Variants in EML6 observed in about 807,000 individuals in gnomAD.
EML6 encodes the protein echinoderm microtubule-associated protein-like 6.
In EML6, 154 loss-of-function variants were observed where a neutral mutation model predicts 240.1. The observed-to-expected ratio is 0.64, with a 90% confidence interval of 0.56 to 0.73. The LOEUF (loss-of-function observed/expected upper bound fraction) is 0.73. EML6 is among the 30% of genes least tolerant of loss of function. The probability of loss-of-function intolerance (pLI) is 0.00; values close to 1 mark genes in which losing one functional copy is unlikely to be tolerated. For missense variants in EML6, 2,964 were observed against 2,474.6 expected, an observed-to-expected ratio of 1.20 and a Z score of -4.20; for synonymous variants, 1,148 against 899.0, an observed-to-expected ratio of 1.28 and a Z score of -4.95.
At chr2:54,937,018 G>A (rs930161618) in intron 28 of EML6, among the ~76,000 whole-genome samples, 1 of 140,904 alleles carries the variant, frequency 7.1e-6, no homozygotes, top group Non-Finnish European at 1.5e-5. Flanking sequence ...AGTGGCTCAC[G>A]CCTGTAATCC....
chr2:54,936,702 A>C (rs1274056676), intron 28 of EML6, among the ~76,000 whole-genome samples: 2 of 152,136 alleles, frequency 1.3e-5, no homozygotes, highest in Non-Finnish European at 2.9e-5. Context: ...TTGACTGTCT[A>C]TCCAGGGATG....
At chr2:54,845,042 T>G (rs1423050448) in intron 8 of EML6, among the ~76,000 whole-genome samples, 2 of 152,184 alleles carry the variant, frequency 1.3e-5, no homozygotes, top group Non-Finnish European at 2.9e-5. Flanking sequence ...GGCTACTGCC[T>G]CTGGGTTTTG....
In EML6 at chr2:54,909,850, CAAA is replaced by C. The variant is rs34171697; in HGVS notation, c.3410-1084_3410-1082del. 1.1e-3 allele frequency among the ~76,000 whole-genome samples: 77 copies of C among 68,496 alleles called. 1 individual carries two copies. In the East Asian group the frequency reaches 0.013, roughly 11 times the overall value. The allele number at this position is 68,496 out of a possible 152,430, so 44.9% of individuals were successfully genotyped here. A position where few individuals can be genotyped will look rare whatever the true frequency, so the allele number is the denominator to read the frequency against. On this transcript the variant is annotated intron_variant, in intron 24 of 41. Coordinates refer to ENST00000356458, the MANE Select transcript of EML6 (RefSeq NM_001039753.4). ...TGGGTGACAGAGCGAGACTCCATCT[CAAA>C]AAAAAAAAAAAAAAAAAAAGATTAG...
chr2:54,858,009 A>C (rs1670478551), intron 11 of EML6, among the ~76,000 whole-genome samples: 1 of 152,248 alleles, frequency 6.6e-6, no homozygotes, highest in African/African-American at 2.4e-5. Context: ...GTAAATGCAC[A>C]AACATTTATT....
intron 28 of EML6, among the ~76,000 whole-genome samples, chr2:54,947,456 A>G (rs1675748508): frequency 6.6e-6 from 1 of 152,174 alleles, no homozygotes; most frequent in Non-Finnish European, 1.5e-5. Flanking sequence ...TTTTGATTGA[A>G]GAGTTTCTGA....
At chr2:54,888,961 C>A (rs575755153) in intron 17 of EML6, among the ~76,000 whole-genome samples, 8 of 152,308 alleles carry the variant, frequency 5.3e-5, no homozygotes, top group Admixed American at 5.2e-4. Context: ...ATAGCTGTAT[C>A]ATTTTGCATT....
chr2:54,820,377 T>C lies in EML6; in HGVS notation c.457-17T>C. The stretch of plus-strand genomic sequence containing the variant: ...ATACCAAATGATCAACATGGCAACT[T>C]TTAATGTTTTGAACAGATTTTTGAT... On this transcript the variant is annotated splice_polypyrimidine_tract_variant and intron_variant, in intron 4 of 41. Transcript: ENST00000356458. The C allele has an allele frequency of 6.5e-7, 1 of 1,534,584 alleles. No individual in the cohort carries two copies. The highest frequency in any genetic ancestry group is 8.8e-7 in the Non-Finnish European group (1 of 1,134,412).
intron 7 of EML6, among the ~76,000 whole-genome samples, chr2:54,839,388 A>G (rs1669323490): frequency 1.3e-5 from 2 of 152,216 alleles, no homozygotes; most frequent in African/African-American, 2.4e-5. Context: ...TATTGTATCT[A>G]TTGCCTGGTG....
chr2:54,969,987 A>C (rs1558737973), intron 41 of EML6, 84 bp from the exon 42 acceptor site: 1 of 1,431,908 alleles, frequency 7.0e-7, no homozygotes, highest in East Asian at 2.5e-5. Flanking sequence ...TTGACTTTTG[A>C]GCACTTGGCA....
rs1415596298 is a variant in EML6, at chr2:54,859,670, C to T, written c.1794C>T (p.Val598=). The T allele has an allele frequency of 3.2e-6, 5 of 1,547,148 alleles. No individual in the cohort carries two copies. The Admixed American group carries it at 1.0e-4, about 31-fold the overall frequency. Residue 598 remains valine, a synonymous_variant, in exon 12 of 42, where the codon GTC becomes GTT. Coordinates refer to ENST00000356458, the MANE Select transcript of EML6 (RefSeq NM_001039753.4). ...AGTGGAGGTTTATTCCAGAAGGTGTCAGCAACGGCATGCTGGAAACTGCAC... is the reference window on the plus strand; with the variant it reads ...AGTGGAGGTTTATTCCAGAAGGTGTTAGCAACGGCATGCTGGAAACTGCAC... ...VFQWRFIPEG[V]SNGMLETAPQ...
At chr2:54,731,440 G>A (rs2104376130) in intron 2 of EML6, among the ~76,000 whole-genome samples, 1 of 152,142 alleles carries the variant, frequency 6.6e-6, no homozygotes, top group African/African-American at 2.4e-5. Context: ...GGGAGTTAAG[G>A]ACCAGCCTGG....
At chr2:54,861,327 A>C (rs997853042) in intron 12 of EML6, among the ~76,000 whole-genome samples, 1 of 152,186 alleles carries the variant, frequency 6.6e-6, no homozygotes, top group African/African-American at 2.4e-5. Context: ...GGGGCTTCGC[A>C]TTCCTGAGTG....
At chr2:54,884,568 A>C (rs1188073148) in intron 17 of EML6, among the ~76,000 whole-genome samples, 1 of 152,192 alleles carries the variant, frequency 6.6e-6, no homozygotes, top group Non-Finnish European at 1.5e-5. Context: ...CAAGTCAATC[A>C]TGAGCATACA....
chr2:54,821,319 A>T (rs1668326062), intron 5 of EML6, among the ~76,000 whole-genome samples: 1 of 152,150 alleles, frequency 6.6e-6, no homozygotes, highest in East Asian at 1.9e-4. Flanking sequence ...AGGATAAAAT[A>T]CTCAAATAAG....
intron 12 of EML6, among the ~76,000 whole-genome samples, chr2:54,863,390 C>T (rs111582903): frequency 1.3e-5 from 2 of 152,136 alleles, no homozygotes; most frequent in African/African-American, 2.4e-5. Context: ...CATGGTGGTA[C>T]GCATCTCTGT....
chr2:54,801,649 G>C (rs1670154112), intron 2 of EML6, among the ~76,000 whole-genome samples: 1 of 152,146 alleles, frequency 6.6e-6, no homozygotes, highest in South Asian at 2.1e-4. Flanking sequence ...CTTGAATTAG[G>C]CTTGTTTGCA....
intron 26 of EML6, among the ~76,000 whole-genome samples, chr2:54,920,568 C>G (rs1185078104): frequency 6.6e-6 from 1 of 151,868 alleles, no homozygotes; most frequent in Non-Finnish European, 1.5e-5. Context: ...TGATTTCTCC[C>G]AAGTATTTAA....
At chr2:54,961,209 G>T (rs553531145) in intron 35 of EML6, among the ~76,000 whole-genome samples, 63 of 4,648 alleles carry the variant, frequency 0.014, 2 homozygotes, top group African/African-American at 0.083. Flanking sequence ...TTTTTGAGAC[G>T]GAGTCTTGCT....
At chr2:54,831,401 G>T (rs967982929) in intron 7 of EML6, among the ~76,000 whole-genome samples, 1 of 152,176 alleles carries the variant, frequency 6.6e-6, no homozygotes, top group Admixed American at 6.5e-5. Context: ...GGCTCTCCTG[G>T]GAGAGTTCAG....
Sources: gnomAD v4.1 joint callset for allele counts (sites outside exome capture counted in the v4.1 genomes callset) on GRCh38, gnomAD v4.1.1 for gene constraint, MANE v1.5 for transcripts, NCBI Gene and HGNC (gene_info 2026-07-23, HGNC 2026-07-21) for gene names.